The following NRP2 variants were observed in gnomAD, a reference collection of about 807,000 sequenced individuals.
NRP2 encodes the protein neuropilin-2.
In NRP2, 52 loss-of-function variants were observed where a neutral mutation model predicts 110.4. The ratio of observed to expected loss-of-function variants is 0.47; its 90% confidence interval spans 0.38 to 0.59. The LOEUF is 0.59. Among genes scored for constraint, NRP2 ranks in the 20% least tolerant of loss-of-function variants. The pLI is 0.00. For missense variants in NRP2, 1,049 were observed against 1,203.0 expected, an observed-to-expected ratio of 0.87 and a Z score of 1.89; for synonymous variants, 508 against 468.9, an observed-to-expected ratio of 1.08 and a Z score of -1.08.
In NRP2 at chr2:205,739,682, C is replaced by CTTTTT. The variant is rs3047659; in HGVS notation, c.1147-821_1147-817dup. Among the ~76,000 whole-genome samples the CTTTTT allele has an allele frequency of 3.2e-5, 4 of 124,952 alleles. 1 individual carries two copies. The highest frequency in any genetic ancestry group is 5.0e-5 in the Non-Finnish European group (3 of 60,398). 82.0% of individuals were successfully genotyped at this position (124,952 alleles called of 152,430 possible). A position where few individuals can be genotyped will look rare whatever the true frequency, so the allele number is the denominator to read the frequency against. ...ACTCACATATACTTTGCTCTAGTTA[C>CTTTTT]TTTTTTTTTTTTTTTTTTTTGAGCA... On this transcript the variant is annotated intron_variant, in intron 7 of 16. Coordinates refer to ENST00000357785, the MANE Select transcript of NRP2 (RefSeq NM_003872.3).
At chr2:205,695,502 A>T (rs1266615519) in intron 1 of NRP2, among the ~76,000 whole-genome samples, 1 of 152,112 alleles carries the variant, frequency 6.6e-6, no homozygotes, top group South Asian at 2.1e-4. Flanking sequence ...TGGGGAAAGG[A>T]GGGAGAGAGT....
At chr2:205,701,317 C>A (rs899094843) in intron 2 of NRP2, 2 of 152,190 alleles carry the variant, frequency 1.3e-5, no homozygotes, top group Non-Finnish European at 2.9e-5. Context: ...AGGCAGGTCA[C>A]CTGAGGTCAG....
In NRP2 at chr2:205,798,003, T is replaced by C. The variant is rs1311471854; in HGVS notation, c.*2945T>C. 6.6e-6 allele frequency: 1 copy of C among 152,666 alleles called. No individual in the cohort carries two copies. The highest frequency in any genetic ancestry group is 1.5e-5 in the Non-Finnish European group (1 of 68,036). The allele number at this position is 152,666 out of a possible 1,614,324, so 9.5% of individuals were successfully genotyped here. A position where few individuals can be genotyped will look rare whatever the true frequency, so the allele number is the denominator to read the frequency against. ...TCGACCATTCACTGGCTGAGCCAGA[T>C]CACGGGAACTTGAGAGCTTTTACTG... On this transcript the variant is annotated 3_prime_UTR_variant, in exon 17 of 17. Coordinates refer to ENST00000357785, the MANE Select transcript of NRP2 (RefSeq NM_003872.3).
intron 10 of NRP2, among the ~76,000 whole-genome samples, chr2:205,748,081 G>T (rs1033555041): frequency 6.6e-6 from 1 of 152,062 alleles, no homozygotes; most frequent in Non-Finnish European, 1.5e-5. Context: ...GGTGCCCGCC[G>T]TTCCTCCACT....
intron 11 of NRP2, among the ~76,000 whole-genome samples, chr2:205,751,019 T>C (rs1222205622): frequency 1.3e-5 from 2 of 152,228 alleles, no homozygotes; most frequent in African/African-American, 2.4e-5. Context: ...TCGGGGTTAG[T>C]TGAATACAGA....
chr2:205,788,469 T>C, intron 15 of NRP2, among the ~76,000 whole-genome samples: 1 of 152,162 alleles, frequency 6.6e-6, no homozygotes, highest in African/African-American at 2.4e-5. Context: ...GGTGGAAGAT[T>C]TGTGGCAAAG....
At chr2:205,776,558 C>A (rs1165860308) in intron 15 of NRP2, 1 of 1,600,530 alleles carries the variant, frequency 6.2e-7, no homozygotes, top group South Asian at 1.1e-5. Flanking sequence ...CCAAAACAAA[C>A]GAGAAAGACT....
chr2:205,776,793 C>A (rs1295914333), intron 15 of NRP2: 1 of 1,365,788 alleles, frequency 7.3e-7, no homozygotes, highest in Non-Finnish European at 9.5e-7. Context: ...GAGATCCACC[C>A]CCAAGCACTC....
At chr2:205,728,087 G>A (rs745865123) in intron 7 of NRP2, 41 bp downstream of exon 7, 1 of 1,613,210 alleles carries the variant, frequency 6.2e-7, no homozygotes. Flanking sequence ...TTGGACCAGG[G>A]CAGGAGGGAT....
intron 7 of NRP2, among the ~76,000 whole-genome samples, chr2:205,728,614 C>T (rs1057500402): frequency 6.6e-5 from 10 of 152,218 alleles, no homozygotes; most frequent in Admixed American, 2.0e-4. Context: ...CCCGCATCTG[C>T]GGCTCCCGGA....
chr2:205,743,208 C>G lies in NRP2; in HGVS notation c.1297C>G (p.Pro433Ala). ...TCTTCCTCTCCTCTCTGCAGATGCT[C>G]CCTGCTCCAACATGCTGGGGATGCT... ...ELFGCRVTDA[P>A]CSNMLGMLSG... Residue 433 changes from proline to alanine, a missense_variant, in exon 9 of 17, where the codon CCC (proline) becomes GCC (alanine). Transcript: ENST00000357785. 1 of 1,612,092 alleles carries G rather than the reference C, an allele frequency of 6.2e-7. No homozygotes were observed. Among genetic ancestry groups the G allele is most frequent in the Non-Finnish European group, 8.5e-7 (1 of 1,180,018 alleles).
chr2:205,776,509 C>A, intron 15 of NRP2: 1 of 1,606,652 alleles, frequency 6.2e-7, no homozygotes, highest in Non-Finnish European at 8.5e-7. Context: ...AGAGCAAGAC[C>A]GTGGCTCGCA....
At chr2:205,697,195 C>T (rs2056448459) in intron 1 of NRP2, among the ~76,000 whole-genome samples, 1 of 151,438 alleles carries the variant, frequency 6.6e-6, no homozygotes, top group Non-Finnish European at 1.5e-5. Context: ...GGAAGATGGG[C>T]CAAGGAGGGG....
intron 5 of NRP2, among the ~76,000 whole-genome samples, chr2:205,724,153 A>T (rs368937600): frequency 2.6e-5 from 4 of 151,900 alleles, no homozygotes; most frequent in African/African-American, 7.2e-5. Flanking sequence ...TTCTTTAAAA[A>T]ATATATATAT....
At chr2:205,756,639 T>C (rs2057738890) in intron 12 of NRP2, 1 of 152,236 alleles carries the variant, frequency 6.6e-6, no homozygotes, top group Non-Finnish European at 1.5e-5. Context: ...CATCACAGAA[T>C]GTATTGGACA....
At chr2:205,761,408 GC>G (rs1289671416) in intron 12 of NRP2, 1 of 152,184 alleles carries the variant, frequency 6.6e-6, no homozygotes, top group African/African-American at 2.4e-5. Flanking sequence ...AAATTATAAT[GC>G]CAGGCAGTGA....
chr2:205,715,462 G>A (rs2056875972), intron 2 of NRP2, among the ~76,000 whole-genome samples: 1 of 152,186 alleles, frequency 6.6e-6, no homozygotes, highest in African/African-American at 2.4e-5. Context: ...TGCTTTTGGA[G>A]AAAGGTTTTT....
intron 15 of NRP2, among the ~76,000 whole-genome samples, chr2:205,771,676 C>G (rs1215152682): frequency 6.6e-6 from 1 of 152,210 alleles, no homozygotes; most frequent in East Asian, 1.9e-4. Flanking sequence ...CGCCAATCCT[C>G]AGACAGGTTC....
At chr2:205,722,300 A>G in intron 3 of NRP2, 178 bp from the exon 4 acceptor site, 1 of 651,654 alleles carries the variant, frequency 1.5e-6, no homozygotes. Flanking sequence ...GTGCCTCCCT[A>G]ATTTATGAGG....
Sources: allele counts gnomAD v4.1 joint callset (sites outside exome capture counted in the v4.1 genomes callset), GRCh38; gene constraint gnomAD v4.1.1; transcripts MANE v1.5; gene names NCBI Gene and HGNC (gene_info 2026-07-23, HGNC 2026-07-21).